The following PPFIA2 variants were observed in gnomAD, a reference collection of about 807,000 sequenced individuals.
PPFIA2 encodes PPFI scaffold protein A2.
PPFIA2 carries 46 observed loss-of-function variants against 175.5 expected under a neutral mutation model. That is an observed-to-expected ratio of 0.26 (90% CI 0.21 to 0.34). The LOEUF is 0.34. Ranked by LOEUF, PPFIA2 falls within the 10% of genes least tolerant of loss-of-function variation. The probability of loss-of-function intolerance (pLI) is 1.00; values close to 1 mark genes in which losing one functional copy is unlikely to be tolerated. For synonymous variants in PPFIA2, 568 were observed against 511.4 expected (o/e 1.11, Z -1.49); for missense variants, 1,179 against 1,506.1 (o/e 0.78, Z 3.60).
At chr12:81,507,681 A>G (rs2061327733) in intron 4 of PPFIA2, among the ~76,000 whole-genome samples, 1 of 152,226 alleles carries the variant, frequency 6.6e-6, no homozygotes, top group Non-Finnish European at 1.5e-5. Context: ...CAATTACTGT[A>G]GTAACCTAAC....
intron 21 of PPFIA2, among the ~76,000 whole-genome samples, chr12:81,330,724 A>G (rs1293419781): frequency 1.3e-5 from 2 of 152,160 alleles, no homozygotes; most frequent in African/African-American, 4.8e-5. Flanking sequence ...AACTACTACA[A>G]TCTGCTGATG....
chr12:81,387,438 G>A (rs1453799633), intron 8 of PPFIA2, among the ~76,000 whole-genome samples: 1 of 152,096 alleles, frequency 6.6e-6, no homozygotes, highest in Non-Finnish European at 1.5e-5. Flanking sequence ...CATGAAAGCA[G>A]TGAGAAAGAT....
intron 7 of PPFIA2, among the ~76,000 whole-genome samples, chr12:81,414,359 A>T (rs2044556375): frequency 6.6e-6 from 1 of 151,708 alleles, no homozygotes; most frequent in Non-Finnish European, 1.5e-5. Flanking sequence ...GTCTTCATAT[A>T]TTCCCCAAAA....
intron 3 of PPFIA2, among the ~76,000 whole-genome samples, chr12:81,690,016 ACTATAAAGCAGGGACATGG>A (rs1198440019): frequency 6.6e-6 from 1 of 152,124 alleles, no homozygotes; most frequent in African/African-American, 2.4e-5. Context: ...GAAATCAGTT[ACTATAAAGCAGGGACATGG>A]CTCCCCTGGT....
intron 15 of PPFIA2, among the ~76,000 whole-genome samples, chr12:81,361,980 T>A (rs2030700148): frequency 6.8e-6 from 1 of 146,950 alleles, no homozygotes; most frequent in African/African-American, 2.5e-5. Context: ...TATAGATCTA[T>A]CTATGTATCT....
chr12:81,688,977 T>C (rs1350252180), intron 3 of PPFIA2, among the ~76,000 whole-genome samples: 1 of 151,704 alleles, frequency 6.6e-6, no homozygotes, highest in Non-Finnish European at 1.5e-5. Flanking sequence ...AGATGATCTA[T>C]ATTCAAATTC....
chr12:81,742,892 T>C (rs1044102477), intron 3 of PPFIA2, among the ~76,000 whole-genome samples: 1 of 152,164 alleles, frequency 6.6e-6, no homozygotes, highest in Non-Finnish European at 1.5e-5. Context: ...GGGGATCCAC[T>C]GTCTAAAGTT....
chr12:81,361,261 A>C (rs1338726788), intron 15 of PPFIA2, among the ~76,000 whole-genome samples: 1 of 151,682 alleles, frequency 6.6e-6, no homozygotes, highest in Non-Finnish European at 1.5e-5. Context: ...AATATATTTA[A>C]TCTATTGATT....
At chr12:81,397,329 G>GA (rs1380578732) in intron 8 of PPFIA2, among the ~76,000 whole-genome samples, 1 of 152,030 alleles carries the variant, frequency 6.6e-6, no homozygotes, top group Non-Finnish European at 1.5e-5. Context: ...CTGTTCTTCA[G>GA]AGAGCAGATG....
At chr12:81,648,423 T>C (rs2066495297) in intron 4 of PPFIA2, among the ~76,000 whole-genome samples, 3 of 152,050 alleles carry the variant, frequency 2.0e-5, no homozygotes, top group East Asian at 3.9e-4. Context: ...AAAAAATCAA[T>C]AGTAAGTTGA....
chr12:81,662,482 C>A (rs1480460870), intron 4 of PPFIA2, among the ~76,000 whole-genome samples: 1 of 151,988 alleles, frequency 6.6e-6, no homozygotes, highest in Non-Finnish European at 1.5e-5. Flanking sequence ...ACACATACAC[C>A]CTCCCAAGAC....
chr12:81,615,802 G>T (rs1174313470), intron 4 of PPFIA2, among the ~76,000 whole-genome samples: 1 of 152,110 alleles, frequency 6.6e-6, no homozygotes, highest in African/African-American at 2.4e-5. Flanking sequence ...AAAGAAATGG[G>T]CAGCCCCTGG....
intron 4 of PPFIA2, among the ~76,000 whole-genome samples, chr12:81,519,627 T>C (rs1361873723): frequency 6.6e-6 from 1 of 152,218 alleles, no homozygotes; most frequent in East Asian, 1.9e-4. Context: ...ATATATCAAA[T>C]GGCATGGAAT....
At position 81,294,975 on chromosome 12, in the gene PPFIA2, C is replaced by T. The variant is rs2046105963; in HGVS notation, c.2785G>A (p.Ala929Thr). ...GTGTCAGATAAAGCAGACATGATGG[C>T]ACCACTCTTCACGTTGGCTCGGCAG... ...AACRANVKSG[A>T]IMSALSDTEI... Residue 929 changes from alanine (A) to threonine (T), a missense_variant, in exon 24 of 33, where the codon GCC (alanine) becomes ACC (threonine). Physicochemically the swap from Ala to Thr is moderately conservative, Grantham distance 58. Transcript: ENST00000549396. 6.2e-7 allele frequency: 1 copy of T among 1,613,752 alleles called. No homozygotes were observed. Among genetic ancestry groups the T allele is most frequent in the Non-Finnish European group, 8.5e-7 (1 of 1,179,782 alleles).
chr12:81,291,908 A>G (rs531816061), intron 24 of PPFIA2, among the ~76,000 whole-genome samples: 2 of 152,224 alleles, frequency 1.3e-5, no homozygotes, highest in East Asian at 3.9e-4. Flanking sequence ...GTAGTTCCTG[A>G]CCTGGGAAAT....
intron 4 of PPFIA2, among the ~76,000 whole-genome samples, chr12:81,482,730 C>G (rs935201686): frequency 1.3e-5 from 2 of 152,074 alleles, no homozygotes; most frequent in African/African-American, 4.8e-5. Context: ...CACACTGGAT[C>G]CTGTCAGCCA....
At chr12:81,328,625 T>C (rs902814669) in intron 21 of PPFIA2, among the ~76,000 whole-genome samples, 2 of 152,186 alleles carry the variant, frequency 1.3e-5, no homozygotes, top group Non-Finnish European at 2.9e-5. Context: ...TGGCCAGCAC[T>C]ATATACCAGA....
intron 11 of PPFIA2, among the ~76,000 whole-genome samples, chr12:81,373,779 G>A (rs1006102444): frequency 1.3e-5 from 2 of 151,998 alleles, no homozygotes; most frequent in African/African-American, 2.4e-5. Flanking sequence ...TCCTAATCCC[G>A]TAATTTTAAA....
At chr12:81,487,793 T>G (rs1475032981) in intron 4 of PPFIA2, among the ~76,000 whole-genome samples, 1 of 151,786 alleles carries the variant, frequency 6.6e-6, no homozygotes, top group Non-Finnish European at 1.5e-5. Context: ...TAATGGCCAT[T>G]GTGATATCTG....
Sources: allele counts gnomAD v4.1 joint callset (sites outside exome capture counted in the v4.1 genomes callset), GRCh38; gene constraint gnomAD v4.1.1; transcripts MANE v1.5; gene names NCBI Gene and HGNC (gene_info 2026-07-23, HGNC 2026-07-21).